The following NCAM1 variants were observed in gnomAD, a reference collection of about 807,000 sequenced individuals.
NCAM1 encodes antigen recognized by monoclonal antibody 5.1H11.
NCAM1 carries 14 observed loss-of-function variants against 109.8 expected under a neutral mutation model. The ratio of observed to expected loss-of-function variants is 0.13; its 90% CI spans 0.08 to 0.20. NCAM1 has a LOEUF of 0.20. Ranked by LOEUF, NCAM1 falls within the 10% of genes least tolerant of loss-of-function variation. The pLI, the probability that NCAM1 is intolerant of heterozygous loss-of-function variation, is 1.00. For synonymous variants in NCAM1, 418 were observed against 442.9 expected (o/e 0.94, Z 0.70); for missense variants, 774 against 1,109.9 (o/e 0.70, Z 4.30).
chr11:113,259,244 G>T (rs976369021), intron 16 of NCAM1, among the ~76,000 whole-genome samples: 4 of 151,558 alleles, frequency 2.6e-5, no homozygotes, highest in Non-Finnish European at 5.9e-5. Context: ...GTAGAGACGG[G>T]GTTTCACCGT....
At chr11:113,064,559 T>C (rs1172118571) in intron 1 of NCAM1, among the ~76,000 whole-genome samples, 1 of 152,222 alleles carries the variant, frequency 6.6e-6, no homozygotes, top group Non-Finnish European at 1.5e-5. Context: ...TTAGATTCTG[T>C]TTTAAAAATT....
intron 1 of NCAM1, among the ~76,000 whole-genome samples, chr11:113,106,291 C>A (rs1351544266): frequency 3.9e-5 from 6 of 152,118 alleles, no homozygotes; most frequent in African/African-American, 1.4e-4. Flanking sequence ...TCTATAACAA[C>A]AAACATCTTA....
intron 1 of NCAM1, among the ~76,000 whole-genome samples, chr11:113,157,576 A>G (rs184055199): frequency 6.6e-6 from 1 of 152,242 alleles, no homozygotes; most frequent in African/African-American, 2.4e-5. Context: ...AGGCTTCTCT[A>G]TACTCCTACA....
Position 113,214,385 on chromosome 11 carries a change from A to G in NCAM1, c.933A>G (p.Thr311=). 1 of 1,613,910 alleles carries G rather than the reference A, an allele frequency of 6.2e-7. No individual in the cohort carries two copies. The highest frequency in any genetic ancestry group is 8.5e-7 in the Non-Finnish European group (1 of 1,179,852). The change falls in exon 8 of 20, where the codon ACA becomes ACG. Residue 311 remains threonine, a synonymous_variant. Transcript: ENST00000316851. ...TCTTTTCAGCAAAACCCAAAATCACATATGTAGAGAACCAGACTGCCATGG... is the reference window on the plus strand; with the variant it reads ...TCTTTTCAGCAAAACCCAAAATCACGTATGTAGAGAACCAGACTGCCATGG... ...HLKVFAKPKI[T]YVENQTAMEL...
intron 14 of NCAM1, chr11:113,235,454 G>T: frequency 1.5e-6 from 1 of 674,740 alleles, no homozygotes; most frequent in Non-Finnish European, 2.7e-6. Flanking sequence ...AAAGGAAGTG[G>T]GGAGAAAACC....
intron 1 of NCAM1, among the ~76,000 whole-genome samples, chr11:113,146,856 T>C (rs1439345798): frequency 6.6e-6 from 1 of 151,706 alleles, no homozygotes; most frequent in Non-Finnish European, 1.5e-5. Flanking sequence ...TATGGAAAGG[T>C]TCCTAATACA....
intron 1 of NCAM1, among the ~76,000 whole-genome samples, chr11:113,143,649 A>G (rs1941911867): frequency 6.6e-6 from 1 of 152,244 alleles, no homozygotes; most frequent in African/African-American, 2.4e-5. Flanking sequence ...AAATTCTGCC[A>G]GGTAAGTAAA....
chr11:112,995,080 C>T (rs1555071203), intron 1 of NCAM1, among the ~76,000 whole-genome samples: 1 of 152,020 alleles, frequency 6.6e-6, no homozygotes, highest in Non-Finnish European at 1.5e-5. Context: ...TATCCTGGAG[C>T]TTGGCACATA....
At chr11:113,091,218 C>G (rs1565430610) in intron 1 of NCAM1, among the ~76,000 whole-genome samples, 1 of 152,080 alleles carries the variant, frequency 6.6e-6, no homozygotes, top group East Asian at 1.9e-4. Context: ...TGCCCTAGAT[C>G]AAGCATCTGG....
chr11:113,017,190 C>T (rs567566075), intron 1 of NCAM1, among the ~76,000 whole-genome samples: 42 of 152,182 alleles, frequency 2.8e-4, no homozygotes, highest in Admixed American at 4.6e-4. Flanking sequence ...GAGAGACACT[C>T]TTCGTTTACT....
At chr11:113,213,411 T>C (rs1944442059) in intron 7 of NCAM1, among the ~76,000 whole-genome samples, 1 of 152,246 alleles carries the variant, frequency 6.6e-6, no homozygotes, top group Non-Finnish European at 1.5e-5. Flanking sequence ...AGCTTTGGAA[T>C]GCTTGTGTTT....
In NCAM1 at chr11:113,208,474, C is replaced by T. The variant is rs114551208; in HGVS notation, c.916+472C>T. 2.1e-3 allele frequency among the ~76,000 whole-genome samples: 322 copies of T among 152,182 alleles called. 1 individual carries two copies. Among genetic ancestry groups the T allele is most frequent in the Middle Eastern group, 0.01 (3 of 294 alleles). The stretch of plus-strand genomic sequence containing the variant: ...GTCCCTCAGACATACCAAGCTTGTT[C>T]TTCATCTCAGGATCACTGCCCTAGG... On this transcript the variant is annotated intron_variant, in intron 7 of 19. Transcript: ENST00000316851.
intron 1 of NCAM1, among the ~76,000 whole-genome samples, chr11:113,069,212 A>C (rs1938140438): frequency 6.6e-6 from 1 of 152,134 alleles, no homozygotes; most frequent in South Asian, 2.1e-4. Context: ...ATGTCTAGAG[A>C]AAACGAGGCA....
chr11:113,267,119 A>G (rs1297893710), intron 17 of NCAM1, among the ~76,000 whole-genome samples: 2 of 152,220 alleles, frequency 1.3e-5, no homozygotes, highest in Non-Finnish European at 2.9e-5. Flanking sequence ...ATTTCCACAC[A>G]TTGGTGCCAT....
chr11:112,981,136 CATTG>C (rs1391525963), intron 1 of NCAM1, among the ~76,000 whole-genome samples: 4 of 151,726 alleles, frequency 2.6e-5, no homozygotes, highest in African/African-American at 9.7e-5. Context: ...ATGTTGTATG[CATTG>C]ATTGTCAATC....
At chr11:113,089,291 G>C (rs1474149075) in intron 1 of NCAM1, among the ~76,000 whole-genome samples, 1 of 152,056 alleles carries the variant, frequency 6.6e-6, no homozygotes, top group Admixed American at 6.6e-5. Flanking sequence ...GGGTGACAGA[G>C]CAAGACTCCA....
intron 17 of NCAM1, chr11:113,265,099 C>T (rs1254207782): frequency 1.0e-6 from 1 of 985,282 alleles, no homozygotes; most frequent in Admixed American, 6.2e-5. Context: ...TCATGTTTTT[C>T]TACTAATAAG....
chr11:113,128,540 G>A (rs1941267411), intron 1 of NCAM1, among the ~76,000 whole-genome samples: 1 of 141,274 alleles, frequency 7.1e-6, no homozygotes, highest in African/African-American at 2.5e-5. Context: ...TATACTCCAT[G>A]GTGACAATGG....
intron 1 of NCAM1, among the ~76,000 whole-genome samples, chr11:113,013,727 A>G (rs1952133967): frequency 6.6e-6 from 1 of 152,226 alleles, no homozygotes; most frequent in Non-Finnish European, 1.5e-5. Context: ...ACTGTGTGTT[A>G]TATTAGCCAA....
Sources: gnomAD v4.1 joint callset for allele counts (sites outside exome capture counted in the v4.1 genomes callset) on GRCh38, gnomAD v4.1.1 for gene constraint, MANE v1.5 for transcripts, NCBI Gene and HGNC (gene_info 2026-07-23, HGNC 2026-07-21) for gene names.